Variants in EPB41L2 observed in about 807,000 individuals in gnomAD.
EPB41L2 encodes erythrocyte membrane protein band 4.1 like 2, also known as band 4.1-like protein 2.
A neutral mutation model predicts 113.0 loss-of-function variants in EPB41L2; 43 were observed. That is an observed-to-expected ratio of 0.38 (90% CI 0.30 to 0.49). The LOEUF (loss-of-function observed/expected upper bound fraction) is 0.49. Ranked by LOEUF, EPB41L2 falls within the 20% of genes least tolerant of loss-of-function variation. EPB41L2 has a pLI of 0.95. For missense variants in EPB41L2, 1,147 were observed against 1,223.4 expected (o/e 0.94, Z 0.93); for synonymous variants, 442 against 436.7 (o/e 1.01, Z -0.15).
chr6:131,018,738 AT>A (rs1034635905), intron 1 of EPB41L2, among the ~76,000 whole-genome samples: 6 of 152,026 alleles, frequency 3.9e-5, no homozygotes, highest in African/African-American at 1.5e-4. Flanking sequence ...TAGGGAATGA[AT>A]TTTTTTTATA....
At chr6:131,021,023 C>T (rs558747343) in intron 1 of EPB41L2, among the ~76,000 whole-genome samples, 2 of 152,124 alleles carry the variant, frequency 1.3e-5, no homozygotes, top group Admixed American at 1.3e-4. Flanking sequence ...GTCTCAAACT[C>T]CTAGCCTCAA....
intron 3 of EPB41L2, among the ~76,000 whole-genome samples, chr6:130,943,315 A>T (rs2128591150): frequency 6.6e-6 from 1 of 152,336 alleles, no homozygotes; most frequent in East Asian, 1.9e-4. Context: ...CATATTTTAA[A>T]GTAACAAAAA....
chr6:130,984,645 C>T (rs1045377208), intron 1 of EPB41L2, among the ~76,000 whole-genome samples: 1 of 152,126 alleles, frequency 6.6e-6, no homozygotes, highest in Non-Finnish European at 1.5e-5. Flanking sequence ...TCTATAAACT[C>T]GAGGTAACTG....
chr6:131,031,088 T>C (rs555599153), intron 1 of EPB41L2, among the ~76,000 whole-genome samples: 1 of 151,486 alleles, frequency 6.6e-6, no homozygotes, highest in East Asian at 1.9e-4. Context: ...GGAGAGCCTG[T>C]CTAAAAAAAA....
At chr6:130,898,126 A>T (rs1795211785) in intron 8 of EPB41L2, among the ~76,000 whole-genome samples, 1 of 151,078 alleles carries the variant, frequency 6.6e-6, no homozygotes, top group Non-Finnish European at 1.5e-5. Flanking sequence ...AAAAGAAAAA[A>T]GGTATTAAGA....
chr6:131,013,384 CT>C (rs36001837), intron 1 of EPB41L2, among the ~76,000 whole-genome samples: 4 of 151,278 alleles, frequency 2.6e-5, no homozygotes, highest in East Asian at 1.9e-4. Context: ...ATAAATGCTA[CT>C]TTTTTTTTAA....
At chr6:131,029,660 T>G (rs920202649) in intron 1 of EPB41L2, among the ~76,000 whole-genome samples, 5 of 152,242 alleles carry the variant, frequency 3.3e-5, no homozygotes, top group African/African-American at 1.2e-4. Context: ...GTGATTTACA[T>G]GTCAAAGGCT....
chr6:130,917,188 G>A (rs971699410), intron 4 of EPB41L2, among the ~76,000 whole-genome samples: 2 of 152,106 alleles, frequency 1.3e-5, no homozygotes, highest in Non-Finnish European at 2.9e-5. Context: ...TCCACAGCAG[G>A]GTCCTAACCA....
At chr6:130,905,144 A>T (rs995887566) in intron 5 of EPB41L2, among the ~76,000 whole-genome samples, 1 of 152,322 alleles carries the variant, frequency 6.6e-6, no homozygotes, top group Admixed American at 6.5e-5. Context: ...TATAACATAC[A>T]CTTGGCTGTA....
intron 5 of EPB41L2, among the ~76,000 whole-genome samples, chr6:130,905,371 G>C (rs141029133): frequency 2.0e-5 from 3 of 151,326 alleles, no homozygotes; most frequent in Non-Finnish European, 4.4e-5. Context: ...TTGACTTCAA[G>C]TTCATAATAT....
intron 15 of EPB41L2, 74 bp downstream of exon 15, chr6:130,869,489 G>A (rs1784937995): frequency 1.5e-6 from 2 of 1,339,522 alleles, no homozygotes; most frequent in Admixed American, 4.1e-5. Flanking sequence ...TGGGAGGACA[G>A]GAGAAGAAAG....
chr6:131,005,505 G>A (rs1292397222), intron 1 of EPB41L2, among the ~76,000 whole-genome samples: 3 of 152,218 alleles, frequency 2.0e-5, no homozygotes, highest in Non-Finnish European at 4.4e-5. Flanking sequence ...TTTAAAGTCA[G>A]TGGAAAGGGG....
chr6:130,865,436 T>C (rs1287619293), intron 17 of EPB41L2, 100 bp downstream of exon 17: 13 of 1,190,140 alleles, frequency 1.1e-5, no homozygotes, highest in Admixed American at 2.1e-5. Flanking sequence ...GCACTGTCTG[T>C]ATCTTACTTG....
intron 1 of EPB41L2, among the ~76,000 whole-genome samples, chr6:130,956,799 TTTGGTTTC>T (rs1817595000): frequency 6.6e-6 from 1 of 152,218 alleles, no homozygotes; most frequent in Admixed American, 6.5e-5. Flanking sequence ...ATTACTTTTA[TTTGGTTTC>T]AACTTGTTAT....
At chr6:131,009,040 G>A (rs928863379) in intron 1 of EPB41L2, among the ~76,000 whole-genome samples, 1 of 152,170 alleles carries the variant, frequency 6.6e-6, no homozygotes, top group Non-Finnish European at 1.5e-5. Flanking sequence ...TGAAATGTGA[G>A]GATATGAGAT....
At chr6:130,906,891 C>A (rs893418063) in intron 5 of EPB41L2, among the ~76,000 whole-genome samples, 2 of 152,172 alleles carry the variant, frequency 1.3e-5, no homozygotes. Flanking sequence ...ATTTAAAGAA[C>A]TGGTTCCAAC....
chr6:131,044,997 A>T (rs1795139596), intron 1 of EPB41L2, among the ~76,000 whole-genome samples: 2 of 152,230 alleles, frequency 1.3e-5, no homozygotes, highest in Admixed American at 1.3e-4. Flanking sequence ...TACTGAATAA[A>T]GGGTCAAGAT....
chr6:130,903,426 T>G (rs1796847637), intron 6 of EPB41L2, among the ~76,000 whole-genome samples: 1 of 151,654 alleles, frequency 6.6e-6, no homozygotes, highest in Non-Finnish European at 1.5e-5. Flanking sequence ...CGGCCTGCTA[T>G]GTACCCAATA....
In EPB41L2 at chr6:130,956,401, C is replaced by G. The variant is rs1255777532; in HGVS notation, c.85G>C (p.Glu29Gln). The change falls in exon 2 of 20, where the codon GAA (glutamate) becomes CAA (glutamine). Residue 29 changes from glutamate to glutamine, a missense_variant. Coordinates refer to ENST00000337057, the MANE Select transcript of EPB41L2 (RefSeq NM_001431.4). ...GTDATKEKPK[E>Q]VAENQQNQSS... is the part of the protein sequence containing the mutation. ...TGATTCTGCTGATTTTCTGCTACTT[C>G]TTTAGGTTTTTCCTTGGTTGCATCT... 3.1e-6 allele frequency: 5 copies of G among 1,614,148 alleles called. No individual in the cohort carries two copies. The highest frequency in any genetic ancestry group is 1.7e-5 in the Admixed American group (1 of 60,016).
Sources: allele counts gnomAD v4.1 joint callset (sites outside exome capture counted in the v4.1 genomes callset), GRCh38; gene constraint gnomAD v4.1.1; transcripts MANE v1.5; gene names NCBI Gene and HGNC (gene_info 2026-07-23, HGNC 2026-07-21).